The following ARMH1 variants were observed in gnomAD, a reference collection of about 807,000 sequenced individuals.
ARMH1 encodes the protein armadillo like helical domain containing 1.
A neutral mutation model predicts 50.2 loss-of-function variants in ARMH1; 34 were observed. That is an observed-to-expected ratio of 0.68 (90% confidence interval 0.51 to 0.90). The LOEUF (loss-of-function observed/expected upper bound fraction) is 0.90. Among genes scored for constraint, ARMH1 ranks in the 40% least tolerant of loss-of-function variants. The pLI, the probability that ARMH1 is intolerant of heterozygous loss-of-function variation, is 0.00. For synonymous variants in ARMH1, 221 were observed against 224.2 expected, an observed-to-expected ratio of 0.99 and a Z score of 0.13; for missense variants, 538 against 553.9, an observed-to-expected ratio of 0.97 and a Z score of 0.29.
At chr1:44,715,912 C>T (rs1465109470) in intron 6 of ARMH1, among the ~76,000 whole-genome samples, 3 of 152,226 alleles carry the variant, frequency 2.0e-5, no homozygotes, top group Non-Finnish European at 4.4e-5. Context: ...CTGCACCTAG[C>T]ACGTGCTCAA....
Position 44,682,976 on chromosome 1 carries a change from G to A in ARMH1, c.-22-6700G>A, listed in dbSNP as rs559008516. Among the ~76,000 whole-genome samples the A allele has an allele frequency of 2.6e-5, 4 of 152,264 alleles. No homozygotes were observed. The highest frequency in any genetic ancestry group is 7.2e-5 in the African/African-American group (3 of 41,540). On this transcript the variant is annotated intron_variant, in intron 1 of 11. Transcript: ENST00000535358. This position sits in a 1 kb window ranked among gnomAD's most constrained non-coding sequence, Gnocchi z 4.5. ...TAAAAATAAAAAATCTCACATCACT[G>A]TGGAGTTTAGGCTGGGGCAAGCCCG...
At chr1:44,725,058 A>G (rs1648082643) in intron 10 of ARMH1, 78 bp from the exon 11 acceptor site, 1 of 1,543,038 alleles carries the variant, frequency 6.5e-7, no homozygotes, top group Non-Finnish European at 8.8e-7. Context: ...CCCACCTGCA[A>G]CATCCCTCTG....
At position 44,697,082 on chromosome 1, in the gene ARMH1, C is replaced by A; in HGVS notation, c.207-20C>A. On this transcript the variant is annotated intron_variant, in intron 2 of 11. Transcript: ENST00000535358. ...GTGTGAAAAACCACCCTGAAACTCA[C>A]TCTTTAACGTGTCATACAGCTATAT... The A allele has an allele frequency of 6.5e-7, 1 of 1,545,710 alleles. No individual in the cohort carries two copies. The highest frequency in any genetic ancestry group is 8.8e-7 in the Non-Finnish European group (1 of 1,141,238).
chr1:44,677,597 G>A (rs1054441105), intron 1 of ARMH1, among the ~76,000 whole-genome samples: 2 of 152,288 alleles, frequency 1.3e-5, no homozygotes, highest in East Asian at 3.9e-4. Context: ...AGTAGTTTCC[G>A]GTGATGACAA....
At chr1:44,723,190 C>G (rs974773968) in intron 6 of ARMH1, among the ~76,000 whole-genome samples, 2 of 152,110 alleles carry the variant, frequency 1.3e-5, no homozygotes, top group Admixed American at 1.3e-4. Flanking sequence ...ACATTCAATC[C>G]TTGCCGATTT....
At chr1:44,707,447 T>G (rs1301318654) in intron 6 of ARMH1, among the ~76,000 whole-genome samples, 9 of 152,210 alleles carry the variant, frequency 5.9e-5, no homozygotes, top group Admixed American at 3.3e-4. Context: ...ATTTCTTTTT[T>G]GAGGCAGGGT....
intron 1 of ARMH1, among the ~76,000 whole-genome samples, chr1:44,680,240 G>A (rs1362329893): frequency 2.6e-5 from 4 of 152,158 alleles, no homozygotes; most frequent in Non-Finnish European, 4.4e-5. Context: ...TCAGTGGCAC[G>A]GTCTTGGCTC....
At chr1:44,701,491 G>C (rs1263711956) in intron 5 of ARMH1, among the ~76,000 whole-genome samples, 1 of 151,090 alleles carries the variant, frequency 6.6e-6, no homozygotes, top group Non-Finnish European at 1.5e-5. Context: ...GCTGGGGAAG[G>C]CTTTTTTTTT....
intron 6 of ARMH1, among the ~76,000 whole-genome samples, chr1:44,714,309 G>A (rs1300744007): frequency 6.6e-6 from 1 of 151,100 alleles, no homozygotes; most frequent in East Asian, 1.9e-4. Flanking sequence ...GCAGGGGCCA[G>A]GCCTGGTGGC....
rs902139340 is a variant in ARMH1 at position 44,724,136 on chromosome 1, A to G, written c.739A>G (p.Lys247Glu). The change falls in exon 7 of 12, where the codon AAA becomes GAA. Residue 247 changes from lysine (K) to glutamate (E), a missense_variant. By Grantham distance (56) the Lys-to-Glu change is moderately conservative (BLOSUM62 1). Transcript: ENST00000535358. The surrounding 1 kb of genome is among the most constrained non-coding windows in gnomAD (Gnocchi z 6.4). ...EVQYEAIELI[K>E]DLVGYDVRQA... ...CCCTTCCGCAGCCATCGAGTTGATCAAAGACCTGGTCGGTTACGATGTGCG... is the reference window on the plus strand; with the variant it reads ...CCCTTCCGCAGCCATCGAGTTGATCGAAGACCTGGTCGGTTACGATGTGCG... The G allele has an allele frequency of 2.6e-6, 4 of 1,551,678 alleles. No homozygotes were observed. Among genetic ancestry groups the G allele is most frequent in the Non-Finnish European group, 3.5e-6 (4 of 1,146,950 alleles).
chr1:44,709,644 C>A, intron 6 of ARMH1, among the ~76,000 whole-genome samples: 1 of 151,398 alleles, frequency 6.6e-6, no homozygotes, highest in South Asian at 2.1e-4. Context: ...TGCACTCCAG[C>A]CTGGCAACAG....
chr1:44,723,774 G>T, intron 6 of ARMH1: 1 of 224,472 alleles, frequency 4.5e-6, no homozygotes, highest in South Asian at 1.1e-4. Context: ...CTCACCCCTT[G>T]TCTTTCTCCA....
At chr1:44,715,939 G>C (rs567232295) in intron 6 of ARMH1, among the ~76,000 whole-genome samples, 33 of 152,294 alleles carry the variant, frequency 2.2e-4, no homozygotes, top group African/African-American at 6.7e-4. Context: ...TTTGTCAAAT[G>C]CATGAGCATG....
chr1:44,678,999 A>G (rs1440055272), intron 1 of ARMH1, among the ~76,000 whole-genome samples: 1 of 152,206 alleles, frequency 6.6e-6, no homozygotes. Context: ...ATGAGTCCAG[A>G]TTTATTAATC....
intron 6 of ARMH1, among the ~76,000 whole-genome samples, chr1:44,709,393 G>GGC (rs1394622666): frequency 6.6e-6 from 1 of 152,112 alleles, no homozygotes; most frequent in African/African-American, 2.4e-5. Context: ...CCTATCTCAG[G>GGC]CAGGCGCGGT....
chr1:44,708,169 G>A (rs975837843), intron 6 of ARMH1, among the ~76,000 whole-genome samples: 23 of 152,224 alleles, frequency 1.5e-4, no homozygotes, highest in Non-Finnish European at 1.3e-4. Context: ...CCGAGGGAGG[G>A]AAGGAAAGTT....
At chr1:44,694,509 C>CTT (rs10531731) in intron 2 of ARMH1, among the ~76,000 whole-genome samples, 8 of 113,634 alleles carry the variant, frequency 7.0e-5, no homozygotes, top group Non-Finnish European at 1.2e-4. Context: ...TTCTTTTTTT[C>CTT]TTTTTTTTTT....
intron 1 of ARMH1, among the ~76,000 whole-genome samples, chr1:44,677,705 A>G (rs1022742640): frequency 1.3e-5 from 2 of 152,286 alleles, no homozygotes; most frequent in Middle Eastern, 3.4e-3. Context: ...GATGATAGAA[A>G]GACTTGAGGG....
intron 3 of ARMH1, 30 bp from the exon 4 acceptor site, chr1:44,698,033 T>C: frequency 2.7e-6 from 4 of 1,500,214 alleles, no homozygotes; most frequent in Non-Finnish European, 3.6e-6. Context: ...GACAAGAGTT[T>C]TATTTCTACT....
Sources: allele counts gnomAD v4.1 joint callset (sites outside exome capture counted in the v4.1 genomes callset), GRCh38; gene constraint gnomAD v4.1.1; non-coding constraint Gnocchi (gnomAD v3.1); transcripts MANE v1.5; gene names NCBI Gene and HGNC (gene_info 2026-07-23, HGNC 2026-07-21).